The following RBFOX1 variants were observed in gnomAD, a reference collection of about 807,000 sequenced individuals.
RBFOX1 encodes the protein RNA binding fox-1 homolog 1.
In RBFOX1, 8 loss-of-function variants were observed where a neutral mutation model predicts 57.7. The observed-to-expected ratio is 0.14, with a 90% CI of 0.08 to 0.25. The LOEUF (loss-of-function observed/expected upper bound fraction) is 0.25. Ranked by LOEUF, RBFOX1 falls within the 10% of genes least tolerant of loss-of-function variation. RBFOX1 has a pLI of 1.00. For missense variants in RBFOX1, 611 were observed against 548.5 expected (o/e 1.11, Z -1.14); for synonymous variants, 326 against 222.4 (o/e 1.47, Z -4.15).
At chr16:7,234,591 T>TGA (rs1169649663) in intron 4 of RBFOX1, among the ~76,000 whole-genome samples, 1 of 132,530 alleles carries the variant, frequency 7.5e-6, no homozygotes, top group Non-Finnish European at 1.6e-5. Flanking sequence ...TATACATATG[T>TGA]GTGTGTGTGT....
chr16:6,126,691 C>G (rs1227896508), intron 1 of RBFOX1, among the ~76,000 whole-genome samples: 1 of 152,086 alleles, frequency 6.6e-6, no homozygotes, highest in African/African-American at 2.4e-5. Flanking sequence ...TTCACTAGAG[C>G]AGGTTTTGTT....
intron 3 of RBFOX1, among the ~76,000 whole-genome samples, chr16:6,807,810 A>G (rs1455305668): frequency 2.6e-5 from 4 of 151,910 alleles, no homozygotes; most frequent in African/African-American, 7.3e-5. Flanking sequence ...GCGAGACTCC[A>G]TCTCAAAAAA....
chr16:7,180,924 G>T (rs778869512), intron 4 of RBFOX1, among the ~76,000 whole-genome samples: 1 of 152,190 alleles, frequency 6.6e-6, no homozygotes, highest in Non-Finnish European at 1.5e-5. Context: ...ATATTGTAGG[G>T]TGGTGGACCA....
At chr16:5,279,707 G>A (rs538020511) in intron 1 of RBFOX1, among the ~76,000 whole-genome samples, 8 of 152,150 alleles carry the variant, frequency 5.3e-5, no homozygotes, top group African/African-American at 7.2e-5. Context: ...TCACCATGGC[G>A]GCCAGGCTGG....
intron 1 of RBFOX1, among the ~76,000 whole-genome samples, chr16:5,296,304 C>G (rs1173229889): frequency 6.6e-6 from 1 of 152,204 alleles, no homozygotes; most frequent in Non-Finnish European, 1.5e-5. Context: ...ATGACTTGGT[C>G]TCTTCCTCAT....
chr16:7,441,134 G>A (rs374190963), intron 4 of RBFOX1, among the ~76,000 whole-genome samples: 1 of 152,130 alleles, frequency 6.6e-6, no homozygotes, highest in Non-Finnish European at 1.5e-5. Context: ...TCTATATGAG[G>A]TGGGGCTCAC....
intron 1 of RBFOX1, among the ~76,000 whole-genome samples, chr16:6,062,528 A>G (rs1479335043): frequency 6.7e-6 from 1 of 150,152 alleles, no homozygotes; most frequent in African/African-American, 2.4e-5. Flanking sequence ...ATAAATCACA[A>G]TATCAAATTA....
intron 3 of RBFOX1, among the ~76,000 whole-genome samples, chr16:6,960,619 T>C: frequency 6.6e-6 from 1 of 152,114 alleles, no homozygotes; most frequent in East Asian, 1.9e-4. Flanking sequence ...GCCTGCCTTT[T>C]TTCCTGCCTT....
intron 2 of RBFOX1, among the ~76,000 whole-genome samples, chr16:6,652,610 T>C (rs1027612394): frequency 6.6e-6 from 1 of 152,118 alleles, no homozygotes; most frequent in Non-Finnish European, 1.5e-5. Context: ...CTTCCACCTG[T>C]AGAACTCTAA....
intron 4 of RBFOX1, among the ~76,000 whole-genome samples, chr16:7,187,696 A>G (rs1373204905): frequency 3.4e-3 from 86 of 25,442 alleles, no homozygotes; most frequent in African/African-American, 0.015. Flanking sequence ...CTCACAAAAA[A>G]AAAAAAAAAA....
At chr16:5,326,770 G>A (rs1201767547) in intron 1 of RBFOX1, among the ~76,000 whole-genome samples, 1 of 152,190 alleles carries the variant, frequency 6.6e-6, no homozygotes, top group Non-Finnish European at 1.5e-5. Flanking sequence ...ATGAATGGAG[G>A]AGGGAACATA....
At chr16:7,373,609 G>C (rs1016815644) in intron 4 of RBFOX1, among the ~76,000 whole-genome samples, 5 of 151,864 alleles carry the variant, frequency 3.3e-5, no homozygotes, top group Non-Finnish European at 7.3e-5. Flanking sequence ...ATAATTGTCA[G>C]AAATGACAGA....
chr16:5,870,768 A>G (rs548972465), intron 4 of RBFOX1, among the ~76,000 whole-genome samples: 1 of 152,084 alleles, frequency 6.6e-6, no homozygotes, highest in Non-Finnish European at 1.5e-5. Flanking sequence ...CCGTTATTTA[A>G]TGCGTGATCC....
chr16:6,616,842 C>G (rs1227550237), intron 2 of RBFOX1, among the ~76,000 whole-genome samples: 1 of 152,342 alleles, frequency 6.6e-6, no homozygotes, highest in East Asian at 1.9e-4. Context: ...GAATGGCAAA[C>G]TAGAGACTAT....
intron 3 of RBFOX1, among the ~76,000 whole-genome samples, chr16:6,977,150 CATATATATCAT>C (rs1230630561): frequency 1.0e-5 from 1 of 100,074 alleles, no homozygotes; most frequent in East Asian, 4.0e-4. Flanking sequence ...TTATATATAT[CATATATATCAT>C]ATATTATCAT....
At chr16:6,054,668 A>T (rs1212286599) in intron 1 of RBFOX1, among the ~76,000 whole-genome samples, 2 of 152,200 alleles carry the variant, frequency 1.3e-5, no homozygotes, top group South Asian at 2.1e-4. Context: ...CTGTAATGAA[A>T]ATCCTTCTTC....
chr16:5,772,925 G>C (rs960574056), intron 3 of RBFOX1, among the ~76,000 whole-genome samples: 1 of 152,188 alleles, frequency 6.6e-6, no homozygotes, highest in Non-Finnish European at 1.5e-5. Context: ...GAGGAAGAAT[G>C]TTATGGGCAG....
chr16:6,906,047 G>C (rs982499262), intron 3 of RBFOX1, among the ~76,000 whole-genome samples: 1 of 152,160 alleles, frequency 6.6e-6, no homozygotes, highest in Non-Finnish European at 1.5e-5. Context: ...GTAGAATCAG[G>C]AACAGTGAGC....
chr16:5,776,569 A>G lies in RBFOX1; in HGVS notation c.319-90734A>G, dbSNP rs375444068. ...TAGTCTGCACCACGTACTGTGCTGA[A>G]CATTTTAGGCAGTCTTTTATTATGA... On this transcript the variant is annotated intron_variant, in intron 3 of 19. Transcript: ENST00000641259. Among the ~76,000 whole-genome samples the G allele has an allele frequency of 2.0e-5, 3 of 152,228 alleles. No individual in the cohort carries two copies. The East Asian group carries it at 5.8e-4, about 29-fold the overall frequency.
Sources: gnomAD v4.1 joint callset for allele counts (sites outside exome capture counted in the v4.1 genomes callset) on GRCh38, gnomAD v4.1.1 for gene constraint, MANE v1.5 for transcripts, NCBI Gene and HGNC (gene_info 2026-07-23, HGNC 2026-07-21) for gene names.